Variants in NDUFB8 observed in about 807,000 individuals in gnomAD.
The protein encoded by NDUFB8 is NADH:ubiquinone oxidoreductase subunit B8, also known as NADH dehydrogenase [ubiquinone] 1 beta subcomplex subunit 8, mitochondrial.
In NDUFB8, 17 loss-of-function variants were observed where a neutral mutation model predicts 26.0. That is an observed-to-expected ratio of 0.65 (90% CI 0.45 to 0.98). The LOEUF is 0.98. NDUFB8 is among the 50% of genes least tolerant of loss of function. NDUFB8 has a pLI of 0.00. For synonymous variants in NDUFB8, 89 were observed against 93.1 expected (o/e 0.96, Z 0.25); for missense variants, 238 against 255.0 (o/e 0.93, Z 0.45).
At chr10:100,526,949 G>C (rs760981737) in intron 3 of NDUFB8, 26 bp downstream of exon 3, 4 of 1,599,950 alleles carry the variant, frequency 2.5e-6, no homozygotes, top group Non-Finnish European at 3.4e-6. Context: ...AGAGAAGGAA[G>C]GTCAAATGAG....
At position 100,526,833 on chromosome 10, in the gene NDUFB8, A is replaced by G. The variant is rs142808885; in HGVS notation, c.312+142T>C. On this transcript the variant is annotated intron_variant, in intron 3 of 4. Transcript: ENST00000299166. ...CGTCCCATTCAGTGTGCCACATGCA[A>G]TCTCAGATCTCACATCACTGGACCT... is the stretch of plus-strand genomic sequence containing the variant. The G allele has an allele frequency of 1.8e-4, 143 of 808,296 alleles. No homozygotes were observed. The East Asian group carries it at 3.5e-3, about 20-fold the overall frequency. The allele number at this position is 808,296 out of a possible 1,614,324, so 50.1% of individuals were successfully genotyped here.
chr10:100,524,194 G>T lies in NDUFB8; in HGVS notation c.469-265C>A. On this transcript the variant is annotated intron_variant, in intron 4 of 4. Coordinates refer to ENST00000299166, the MANE Select transcript of NDUFB8 (RefSeq NM_005004.4). The surrounding 1 kb of genome is among the most constrained non-coding windows in gnomAD (Gnocchi z 4.0). ...AAGGGGGTTAGGGAAAGGAGGGGAA[G>T]GGAGGAAGACAGGGAGGGAGGTAAA... 1 of 1,452,666 alleles carries T rather than the reference G, an allele frequency of 6.9e-7. No homozygotes were observed. Among genetic ancestry groups the T allele is most frequent in the Non-Finnish European group, 9.5e-7 (1 of 1,055,312 alleles). 90.0% of individuals were successfully genotyped at this position (1,452,666 alleles called of 1,614,324 possible). A position where few individuals can be genotyped will look rare whatever the true frequency, so the allele number is the denominator to read the frequency against.
intron 4 of NDUFB8, 71 bp downstream of exon 4, chr10:100,526,328 C>T: frequency 6.7e-7 from 1 of 1,498,384 alleles, no homozygotes; most frequent in Non-Finnish European, 8.9e-7. Context: ...GATTCCTACC[C>T]CAGAGACTTC....
Position 100,526,563 on chromosome 10 carries a change from G to A in NDUFB8, c.313-9C>T. The A allele has an allele frequency of 1.2e-6, 2 of 1,613,256 alleles. No homozygotes were observed. Among genetic ancestry groups the A allele is most frequent in the South Asian group, 2.2e-5 (2 of 90,974 alleles). On this transcript the variant is annotated splice_polypyrimidine_tract_variant and intron_variant, in intron 3 of 4. Coordinates refer to ENST00000299166, the MANE Select transcript of NDUFB8 (RefSeq NM_005004.4). ...TCTAGGTGCCAGTGCATCTGAGGCA[G>A]AAAGACAAATAGCTGTCACATACTA...
chr10:100,527,847 C>T (rs925507560), intron 2 of NDUFB8, among the ~76,000 whole-genome samples: 14 of 152,112 alleles, frequency 9.2e-5, no homozygotes, highest in Admixed American at 2.0e-4. Context: ...GAGACGGAAT[C>T]TTGCTCTTGT....
In NDUFB8 at chr10:100,523,741, A is replaced by T. The variant is rs3179689; in HGVS notation, c.*96T>A. 1 of 1,177,334 alleles carries T rather than the reference A, an allele frequency of 8.5e-7. No homozygotes were observed. Among genetic ancestry groups the T allele is most frequent in the Admixed American group, 2.2e-5 (1 of 44,908 alleles). The allele number at this position is 1,177,334 out of a possible 1,614,324, so 72.9% of individuals were successfully genotyped here. A position where few individuals can be genotyped will look rare whatever the true frequency, so the allele number is the denominator to read the frequency against. ...ATTCCTGGGGAAATGAGGCACAAATAACACAGCACTGAGTTTTATTAGGGA... is the reference window on the plus strand; with the variant it reads ...ATTCCTGGGGAAATGAGGCACAAATTACACAGCACTGAGTTTTATTAGGGA... On this transcript the variant is annotated 3_prime_UTR_variant, in exon 5 of 5. Coordinates refer to ENST00000299166, the MANE Select transcript of NDUFB8 (RefSeq NM_005004.4).
intron 1 of NDUFB8, 67 bp from the exon 2 acceptor site, chr10:100,529,573 G>T (rs1852114774): frequency 6.3e-7 from 1 of 1,592,830 alleles, no homozygotes; most frequent in African/African-American, 1.4e-5. Flanking sequence ...GCTTCAAGTC[G>T]CAGGGGCTGC....
At position 100,526,567 on chromosome 10, in the gene NDUFB8, G is replaced by A. The variant is rs925889300; in HGVS notation, c.313-13C>T. 4.3e-6 allele frequency: 7 copies of A among 1,613,172 alleles called. No homozygotes were observed. Among genetic ancestry groups the A allele is most frequent in the Non-Finnish European group, 5.9e-6 (7 of 1,179,860 alleles). On this transcript the variant is annotated splice_polypyrimidine_tract_variant and intron_variant, in intron 3 of 4. Coordinates refer to ENST00000299166, the MANE Select transcript of NDUFB8 (RefSeq NM_005004.4). ...GGTGCCAGTGCATCTGAGGCAGAAA[G>A]ACAAATAGCTGTCACATACTACTCT...
At chr10:100,529,125 GT>G in intron 2 of NDUFB8, 1 of 324,158 alleles carries the variant, frequency 3.1e-6, no homozygotes, top group Non-Finnish European at 5.6e-6. Context: ...CTATTCGGGG[GT>G]CCTCGAGGGA....
chr10:100,526,637 A>C, intron 3 of NDUFB8, 83 bp from the exon 4 acceptor site: 3 of 1,494,186 alleles, frequency 2.0e-6, no homozygotes, highest in Non-Finnish European at 1.8e-6. Flanking sequence ...AGCCTGATAC[A>C]AGGCTAGACA....
intron 2 of NDUFB8, among the ~76,000 whole-genome samples, chr10:100,527,306 C>T (rs1342167867): frequency 6.6e-6 from 1 of 152,148 alleles, no homozygotes; most frequent in African/African-American, 2.4e-5. Flanking sequence ...TTTTAATGTA[C>T]ATAAGCCTTC....
In NDUFB8 at chr10:100,524,150, G is replaced by C. The variant is rs1241371085; in HGVS notation, c.469-221C>G. 1 of 1,555,596 alleles carries C rather than the reference G, an allele frequency of 6.4e-7. No individual in the cohort carries two copies. Among genetic ancestry groups the C allele is most frequent in the East Asian group, 2.4e-5 (1 of 41,720 alleles). On this transcript the variant is annotated intron_variant, in intron 4 of 4. Coordinates refer to ENST00000299166, the MANE Select transcript of NDUFB8 (RefSeq NM_005004.4). The surrounding 1 kb of genome is among the most constrained non-coding windows in gnomAD (Gnocchi z 4.0). ...GAAGTGGTGCCTACACTGTGAGAGAGAAGGAGAAAGGGGGAGGGAAGGGGG... is the reference window on the plus strand; with the variant it reads ...GAAGTGGTGCCTACACTGTGAGAGACAAGGAGAAAGGGGGAGGGAAGGGGG...
intron 4 of NDUFB8, 74 bp downstream of exon 4, chr10:100,526,325 A>AC (rs1371426463): frequency 2.0e-6 from 3 of 1,490,144 alleles, no homozygotes; most frequent in Non-Finnish European, 1.8e-6. Flanking sequence ...CTGGATTCCT[A>AC]CCCCAGAGAC....
chr10:100,524,902 T>C lies in NDUFB8; in HGVS notation c.469-973A>G, dbSNP rs1174648265. On this transcript the variant is annotated intron_variant, in intron 4 of 4. Transcript: ENST00000299166. This position sits in a 1 kb window ranked among gnomAD's most constrained non-coding sequence, Gnocchi z 4.0. The stretch of plus-strand genomic sequence containing the variant: ...AACCGCTAGCACAGTCTGCATCTGG[T>C]ACATAGTACAGGCTCCATAAATATT... Among the ~76,000 whole-genome samples the C allele has an allele frequency of 2.0e-5, 3 of 152,244 alleles. No individual in the cohort carries two copies. Among genetic ancestry groups the C allele is most frequent in the Non-Finnish European group, 2.9e-5 (2 of 68,052 alleles).
At chr10:100,526,914 C>G in intron 3 of NDUFB8, 61 bp downstream of exon 3, 2 of 1,491,410 alleles carry the variant, frequency 1.3e-6, no homozygotes, top group Non-Finnish European at 1.9e-6. Context: ...GCCATCTGAG[C>G]TAAAGAATCG....
Position 100,523,947 on chromosome 10 carries a change from G to C in NDUFB8, c.469-18C>G. On this transcript the variant is annotated intron_variant, in intron 4 of 4. Coordinates refer to ENST00000299166, the MANE Select transcript of NDUFB8 (RefSeq NM_005004.4). ...TTTGGTCCCTACAGAAAAAAACACA[G>C]GTCAGCAAGAACATACATTCAGTCA... The C allele has an allele frequency of 6.2e-7, 1 of 1,613,964 alleles. No homozygotes were observed. The highest frequency in any genetic ancestry group is 1.3e-5 in the African/African-American group (1 of 74,976).
intron 2 of NDUFB8, 118 bp downstream of exon 2, chr10:100,529,262 T>A: frequency 9.1e-6 from 4 of 441,846 alleles, no homozygotes; most frequent in Non-Finnish European, 1.2e-5. Context: ...AAGCACCCAC[T>A]CCATTGACTC....
rs1350308695 is a variant in NDUFB8 at position 100,524,160 on chromosome 10, G to A, written c.469-231C>T. ...CTACACTGTGAGAGAGAAGGAGAAAGGGGGAGGGAAGGGGGTTAGGGAAAG... is the reference window on the plus strand; with the variant it reads ...CTACACTGTGAGAGAGAAGGAGAAAAGGGGAGGGAAGGGGGTTAGGGAAAG... On this transcript the variant is annotated intron_variant, in intron 4 of 4. Coordinates refer to ENST00000299166, the MANE Select transcript of NDUFB8 (RefSeq NM_005004.4). The surrounding 1 kb of genome is among the most constrained non-coding windows in gnomAD (Gnocchi z 4.0). 3.8e-6 allele frequency: 6 copies of A among 1,564,510 alleles called. No homozygotes were observed. The highest frequency in any genetic ancestry group is 1.2e-5 in the South Asian group (1 of 85,604).
chr10:100,529,610 GA>G, intron 1 of NDUFB8, 104 bp from the exon 2 acceptor site: 1 of 1,562,518 alleles, frequency 6.4e-7, no homozygotes, highest in Non-Finnish European at 8.7e-7. Context: ...GACTTCGCAG[GA>G]TCAGTGCGAT....
Sources: gnomAD v4.1 joint callset for allele counts (sites outside exome capture counted in the v4.1 genomes callset) on GRCh38, gnomAD v4.1.1 for gene constraint, Gnocchi (gnomAD v3.1) non-coding constraint, MANE v1.5 for transcripts, NCBI Gene and HGNC (gene_info 2026-07-23, HGNC 2026-07-21) for gene names.